The following SLC12A5 variants were observed in gnomAD, a reference collection of about 807,000 sequenced individuals.
SLC12A5 encodes solute carrier family 12 member 5.
In SLC12A5, 18 loss-of-function variants were observed where a neutral mutation model predicts 124.0. That is an observed-to-expected ratio of 0.15 (90% CI 0.10 to 0.22). The LOEUF (loss-of-function observed/expected upper bound fraction) is 0.22. Ranked by LOEUF, SLC12A5 falls within the 10% of genes least tolerant of loss-of-function variation. The pLI, the probability that SLC12A5 is intolerant of heterozygous loss-of-function variation, is 1.00. For synonymous variants in SLC12A5, 589 were observed against 568.0 expected (o/e 1.04, Z -0.53); for missense variants, 867 against 1,478.7 (o/e 0.59, Z 6.78).
At chr20:46,039,339 A>C (rs2084525019) in intron 6 of SLC12A5, among the ~76,000 whole-genome samples, 1 of 152,260 alleles carries the variant, frequency 6.6e-6, no homozygotes, top group Admixed American at 6.5e-5. Flanking sequence ...TTATGAAAAC[A>C]CATACAGACG....
chr20:46,049,575 G>T lies in SLC12A5; in HGVS notation c.2013-47G>T, dbSNP rs765342469. ...GGTGGTGGGTGTATGGTGTGTGGAT[G>T]GTTGGTTACATGGTATATGGATTAT... On this transcript the variant is annotated intron_variant, in intron 16 of 25. Transcript: ENST00000243964. 6.4e-6 allele frequency: 10 copies of T among 1,564,638 alleles called. No homozygotes were observed. The African/African-American group carries it at 1.2e-4, about 19-fold the overall frequency.
At chr20:46,023,350 C>A in intron 2 of SLC12A5, 1 of 398,658 alleles carries the variant, frequency 2.5e-6, no homozygotes, top group Non-Finnish European at 4.4e-6. Flanking sequence ...ATTCTCAACC[C>A]TTCCTTTTTT....
chr20:46,050,786 T>C (rs1403012577), intron 17 of SLC12A5, among the ~76,000 whole-genome samples: 4 of 152,166 alleles, frequency 2.6e-5, no homozygotes, highest in East Asian at 1.9e-4. Context: ...AGGCAGAGCA[T>C]ACACAGAAGG....
At position 46,052,935 on chromosome 20, in the gene SLC12A5, C is replaced by T. The variant is rs1014693523; in HGVS notation, c.2378-22C>T. On this transcript the variant is annotated intron_variant, in intron 18 of 25. Transcript: ENST00000243964. ...CCAGAGTCACTGTTTCCCCCTCTGG[C>T]CCTCTCCTTGGCCTCCCTCAGAGCT... 11 of 1,593,272 alleles carry T rather than the reference C, an allele frequency of 6.9e-6. No individual in the cohort carries two copies. The African/African-American group carries it at 1.3e-4, about 19-fold the overall frequency.
In SLC12A5 at chr20:46,056,514, C is replaced by A; in HGVS notation, c.3060C>A (p.Gly1020=). ...KDKSVAEKNK[G]PSPVSSEGIK... ...AGTCGGTGGCAGAGAAGAATAAGGG[C>A]CCCAGTCCTGTCTCCTCTGAGGGCA... Residue 1020 remains glycine (G), a synonymous_variant, in exon 23 of 26, where the codon GGC becomes GGA. Transcript: ENST00000243964. This position sits in a 1 kb window ranked among gnomAD's most constrained non-coding sequence, Gnocchi z 4.3. 6.2e-7 allele frequency: 1 copy of A among 1,614,122 alleles called. No homozygotes were observed. Among genetic ancestry groups the A allele is most frequent in the Non-Finnish European group, 8.5e-7 (1 of 1,180,000 alleles).
chr20:46,032,625 A>C (rs780074790), intron 1 of SLC12A5, among the ~76,000 whole-genome samples: 48 of 152,192 alleles, frequency 3.2e-4, no homozygotes, highest in Non-Finnish European at 5.0e-4. Flanking sequence ...GCAAAGGAGG[A>C]AACTGAGGCG....
intron 16 of SLC12A5, among the ~76,000 whole-genome samples, chr20:46,048,775 G>T (rs572729026): frequency 1.4e-4 from 22 of 151,882 alleles, no homozygotes; most frequent in Non-Finnish European, 3.1e-4. Context: ...GGATACTGAG[G>T]CAGAATAGCT....
At chr20:46,032,953 G>C (rs1045622408) in intron 1 of SLC12A5, among the ~76,000 whole-genome samples, 1 of 152,156 alleles carries the variant, frequency 6.6e-6, no homozygotes, top group Non-Finnish European at 1.5e-5. Context: ...TGGGAGGTGG[G>C]TCTCTTATTC....
At chr20:46,026,135 A>G (rs191068432), upstream of SLC12A5, among the ~76,000 whole-genome samples, 308 of 152,322 alleles carry the variant, frequency 2.0e-3, no homozygotes, top group African/African-American at 7.2e-3. Context: ...CAATTTCACA[A>G]TAAGTGGAGA....
chr20:46,051,645 G>T (rs566142031), intron 17 of SLC12A5, 30 bp from the exon 18 acceptor site: 1 of 1,590,062 alleles, frequency 6.3e-7, no homozygotes, highest in African/African-American at 1.4e-5. Flanking sequence ...GAGGCCTGAG[G>T]CTGGTCCTTG....
intron 16 of SLC12A5, among the ~76,000 whole-genome samples, chr20:46,048,660 C>G (rs1315975669): frequency 6.6e-6 from 1 of 152,066 alleles, no homozygotes; most frequent in East Asian, 1.9e-4. Context: ...CACTTGAGGC[C>G]AGGGGTTTGA....
At chr20:46,036,602 TG>T in intron 4 of SLC12A5, 138 bp from the exon 5 acceptor site, 1 of 791,050 alleles carries the variant, frequency 1.3e-6, no homozygotes, top group Non-Finnish European at 2.1e-6. Flanking sequence ...GAGTAGAAGT[TG>T]GAACAGGTCC....
chr20:46,035,327 T>G, intron 2 of SLC12A5, 77 bp from the exon 3 acceptor site: 1 of 1,543,334 alleles, frequency 6.5e-7, no homozygotes, highest in Non-Finnish European at 8.8e-7. Flanking sequence ...TGTCCCCATC[T>G]CTTCCTCTGC....
chr20:46,031,697 T>C (rs1204923410), intron 1 of SLC12A5, among the ~76,000 whole-genome samples: 1 of 152,136 alleles, frequency 6.6e-6, no homozygotes, highest in Non-Finnish European at 1.5e-5. Flanking sequence ...GGAGGCTTCT[T>C]AGCCTGCGCC....
In SLC12A5 at chr20:46,053,171, C is replaced by A; in HGVS notation, c.2547+45C>A. On this transcript the variant is annotated intron_variant, in intron 19 of 25. Transcript: ENST00000243964. This position sits in a 1 kb window ranked among gnomAD's most constrained non-coding sequence, Gnocchi z 4.7. ...GTATGCACGTGTGAGTGTGTGTATG[C>A]ATGTATGCATTTGTGTGCATATGTG... The A allele has an allele frequency of 6.4e-7, 1 of 1,573,256 alleles. No individual in the cohort carries two copies. Among genetic ancestry groups the A allele is most frequent in the Non-Finnish European group, 8.7e-7 (1 of 1,149,254 alleles).
intron 18 of SLC12A5, among the ~76,000 whole-genome samples, 193 bp downstream of exon 18, chr20:46,052,063 G>T (rs1273270251): frequency 1.3e-5 from 2 of 152,180 alleles, no homozygotes; most frequent in East Asian, 1.9e-4. Context: ...TGGGGACTCC[G>T]CTGTGAACGA....
intron 21 of SLC12A5, chr20:46,055,710 CA>C (rs1436540698): frequency 1.1e-5 from 2 of 184,050 alleles, no homozygotes; most frequent in East Asian, 1.4e-4. Context: ...TTGAGTCTCC[CA>C]GGGGTGGGTA....
chr20:46,035,370 C>T (rs760901156), intron 2 of SLC12A5, 34 bp from the exon 3 acceptor site: 3 of 1,591,924 alleles, frequency 1.9e-6, no homozygotes, highest in Non-Finnish European at 2.6e-6. Context: ...ACTTGCTCCC[C>T]CAGCCTCCTA....
In SLC12A5 at chr20:46,048,497, A is replaced by C. The variant is rs533935421; in HGVS notation, c.2012+412A>C. 3.3e-5 allele frequency among the ~76,000 whole-genome samples: 5 copies of C among 152,328 alleles called. 1 individual carries two copies. Among genetic ancestry groups the C allele is most frequent in the Admixed American group, 3.3e-4 (5 of 15,298 alleles). On this transcript the variant is annotated intron_variant, in intron 16 of 25. Coordinates refer to ENST00000243964, the MANE Select transcript of SLC12A5 (RefSeq NM_020708.5). ...GATCATGTAGCATTTGCTCTGAGAC[A>C]GGTGGAATCGTTCCCTTTGAGAGTT... is the stretch of plus-strand genomic sequence containing the variant.
Sources: allele counts gnomAD v4.1 joint callset (sites outside exome capture counted in the v4.1 genomes callset), GRCh38; gene constraint gnomAD v4.1.1; non-coding constraint Gnocchi (gnomAD v3.1); transcripts MANE v1.5; gene names NCBI Gene and HGNC (gene_info 2026-07-23, HGNC 2026-07-21).